Variants in CDKAL1 observed in about 807,000 individuals in gnomAD.
CDKAL1 encodes the protein CDKAL1 threonylcarbamoyladenosine tRNA methylthiotransferase.
CDKAL1 carries 32 observed loss-of-function variants against 68.2 expected under a neutral mutation model. That is an observed-to-expected ratio of 0.47 (90% confidence interval 0.35 to 0.63). The LOEUF (loss-of-function observed/expected upper bound fraction) is 0.63. Among genes scored for constraint, CDKAL1 ranks in the 30% least tolerant of loss-of-function variants. The probability of loss-of-function intolerance (pLI) is 0.00; values close to 1 mark genes in which losing one functional copy is unlikely to be tolerated. For missense variants in CDKAL1, 606 were observed against 696.7 expected (o/e 0.87, Z 1.47); for synonymous variants, 234 against 244.3 (o/e 0.96, Z 0.39).
Position 20,983,079 on chromosome 6 carries a change from G to A in CDKAL1, c.910-17148G>A, listed in dbSNP as rs138676547. 2.3e-3 allele frequency among the ~76,000 whole-genome samples: 351 copies of A among 152,252 alleles called. 1 individual carries two copies. The highest frequency in any genetic ancestry group is 8.1e-3 in the African/African-American group (335 of 41,566). On this transcript the variant is annotated intron_variant, in intron 10 of 15. Transcript: ENST00000274695. ...AGTAACTAGAAATGCTTTTATTTAC[G>A]TTCCAATTAAAGAACTGACATGTGA...
intron 8 of CDKAL1, among the ~76,000 whole-genome samples, chr6:20,800,915 A>G (rs1776339766): frequency 1.4e-5 from 2 of 147,564 alleles, no homozygotes; most frequent in African/African-American, 5.0e-5. Context: ...CACCCAACCA[A>G]CTCTTTCTTT....
intron 4 of CDKAL1, among the ~76,000 whole-genome samples, chr6:20,577,615 G>A (rs563059203): frequency 6.6e-6 from 1 of 152,330 alleles, no homozygotes; most frequent in East Asian, 1.9e-4. Context: ...CTGAATGAAT[G>A]AATAGGTACA....
At chr6:20,846,818 T>C (rs890223964) in intron 9 of CDKAL1, among the ~76,000 whole-genome samples, 1 of 152,234 alleles carries the variant, frequency 6.6e-6, no homozygotes, top group Non-Finnish European at 1.5e-5. Flanking sequence ...GAGTGACAGT[T>C]GTGTGGACAT....
At chr6:20,697,482 A>C (rs1264059574) in intron 5 of CDKAL1, among the ~76,000 whole-genome samples, 1 of 152,196 alleles carries the variant, frequency 6.6e-6, no homozygotes, top group Non-Finnish European at 1.5e-5. Flanking sequence ...AATTTAAGCA[A>C]AAACTTAATT....
intron 9 of CDKAL1, among the ~76,000 whole-genome samples, chr6:20,896,544 G>A (rs1761703307): frequency 6.6e-6 from 1 of 152,170 alleles, no homozygotes; most frequent in South Asian, 2.1e-4. Flanking sequence ...TTGCTTAAAT[G>A]AGTAGTTTCT....
chr6:20,866,553 C>A (rs913401316), intron 9 of CDKAL1, among the ~76,000 whole-genome samples: 9 of 150,990 alleles, frequency 6.0e-5, no homozygotes, highest in South Asian at 2.1e-4. Context: ...TAAAATTTAT[C>A]TTTTCTAACT....
chr6:20,820,836 A>G (rs1481938967), intron 8 of CDKAL1, among the ~76,000 whole-genome samples: 1 of 152,098 alleles, frequency 6.6e-6, no homozygotes, highest in African/African-American at 2.4e-5. Context: ...GTCTTCATGG[A>G]GTTTCAATTC....
chr6:21,037,987 T>A (rs1769687692), intron 11 of CDKAL1, among the ~76,000 whole-genome samples: 1 of 152,232 alleles, frequency 6.6e-6, no homozygotes, highest in African/African-American at 2.4e-5. Flanking sequence ...CTACTTTGTG[T>A]CAGGCACCTG....
At chr6:20,591,848 A>G (rs909634195) in intron 4 of CDKAL1, among the ~76,000 whole-genome samples, 3 of 152,136 alleles carry the variant, frequency 2.0e-5, no homozygotes, top group African/African-American at 4.8e-5. Context: ...TGTCTTGGCT[A>G]TACGGGCTCT....
intron 4 of CDKAL1, among the ~76,000 whole-genome samples, chr6:20,550,506 C>T (rs926685269): frequency 6.6e-6 from 1 of 152,090 alleles, no homozygotes; most frequent in African/African-American, 2.4e-5. Context: ...TTCCCTTCCC[C>T]AGTCTTGGAA....
chr6:21,127,078 T>C (rs1424901988), intron 13 of CDKAL1, among the ~76,000 whole-genome samples: 1 of 152,182 alleles, frequency 6.6e-6, no homozygotes, highest in African/African-American at 2.4e-5. Context: ...CCTGGTCGAT[T>C]TGGGTTATGT....
At chr6:20,865,646 GTTC>G (rs977006695) in intron 9 of CDKAL1, among the ~76,000 whole-genome samples, 10 of 150,426 alleles carry the variant, frequency 6.6e-5, no homozygotes, top group South Asian at 2.1e-4. Flanking sequence ...AAAAAAATCT[GTTC>G]TTATCAAATT....
At chr6:20,823,529 G>T (rs1777375169) in intron 8 of CDKAL1, among the ~76,000 whole-genome samples, 1 of 152,156 alleles carries the variant, frequency 6.6e-6, no homozygotes, top group African/African-American at 2.4e-5. Context: ...GCAGCTTGCT[G>T]CCAGTGCTCA....
At chr6:21,070,811 G>T (rs1771730633) in intron 12 of CDKAL1, among the ~76,000 whole-genome samples, 1 of 151,882 alleles carries the variant, frequency 6.6e-6, no homozygotes, top group Non-Finnish European at 1.5e-5. Context: ...CTTGGTATTC[G>T]TAACTGTCCC....
intron 9 of CDKAL1, among the ~76,000 whole-genome samples, chr6:20,932,760 G>A (rs1763524331): frequency 6.6e-6 from 1 of 152,090 alleles, no homozygotes; most frequent in Admixed American, 6.5e-5. Flanking sequence ...AGAAAAATGA[G>A]GGAGAGGATA....
chr6:20,874,309 GT>G (rs66860555), intron 9 of CDKAL1, among the ~76,000 whole-genome samples: 82,728 of 149,242 alleles, frequency 0.55, 23,065 homozygotes, highest in African/African-American at 0.61. Context: ...TTGTTTGTTT[GT>G]TTTTTTTTTG....
intron 10 of CDKAL1, among the ~76,000 whole-genome samples, chr6:20,956,730 C>T (rs1293274334): frequency 6.6e-6 from 1 of 151,910 alleles, no homozygotes; most frequent in Non-Finnish European, 1.5e-5. Context: ...TGAATGGCTT[C>T]CTTAATATCA....
chr6:20,995,539 AT>A (rs1767056986), intron 10 of CDKAL1, among the ~76,000 whole-genome samples: 1 of 152,206 alleles, frequency 6.6e-6, no homozygotes, highest in African/African-American at 2.4e-5. Flanking sequence ...GACCAGGTGC[AT>A]TGTCCATGAG....
rs1561952371 is a variant in CDKAL1 at position 20,595,988 on chromosome 6, G to C, written c.286+47283G>C. ...TCCACTCCAGACCCTGTTTACCTGG[G>C]TATGACCAGCAGAGGCTGCCGAACA... On this transcript the variant is annotated intron_variant, in intron 4 of 15. Transcript: ENST00000274695. 2.6e-5 allele frequency among the ~76,000 whole-genome samples: 4 copies of C among 152,198 alleles called. No homozygotes were observed. In the South Asian group the frequency reaches 8.3e-4, roughly 32 times the overall value.
Sources: allele counts gnomAD v4.1 joint callset (sites outside exome capture counted in the v4.1 genomes callset), GRCh38; gene constraint gnomAD v4.1.1; transcripts MANE v1.5; gene names NCBI Gene and HGNC (gene_info 2026-07-23, HGNC 2026-07-21).